The following ZNF407 variants were observed in gnomAD, a reference collection of about 807,000 sequenced individuals.
ZNF407 encodes zinc finger protein 407.
In ZNF407, 17 loss-of-function variants were observed where a neutral mutation model predicts 131.2. That is an observed-to-expected ratio of 0.13 (90% CI 0.09 to 0.19). The LOEUF (loss-of-function observed/expected upper bound fraction) is 0.19, where lower values mean the gene tolerates loss of function less well. Ranked by LOEUF, ZNF407 falls within the 10% of genes least tolerant of loss-of-function variation. ZNF407 has a pLI of 1.00. For synonymous variants in ZNF407, 1,156 were observed against 1,062.0 expected (o/e 1.09, Z -1.72); for missense variants, 2,681 against 2,830.6 (o/e 0.95, Z 1.20).
chr18:74,857,853 C>A (rs1403983367), intron 4 of ZNF407, among the ~76,000 whole-genome samples: 1 of 151,754 alleles, frequency 6.6e-6, no homozygotes, highest in Non-Finnish European at 1.5e-5. Flanking sequence ...TCATTCCTTT[C>A]CTTGGTATTG....
chr18:74,909,735 C>G (rs952491808), intron 7 of ZNF407, among the ~76,000 whole-genome samples: 2 of 151,876 alleles, frequency 1.3e-5, no homozygotes, highest in Non-Finnish European at 2.9e-5. Flanking sequence ...TTTTATAAAC[C>G]TTTATACAAA....
At chr18:75,011,820 A>G (rs533273328) in intron 8 of ZNF407, among the ~76,000 whole-genome samples, 3 of 152,184 alleles carry the variant, frequency 2.0e-5, no homozygotes, top group African/African-American at 7.2e-5. Context: ...CAAATTTGGT[A>G]TATTTGTTTG....
chr18:74,662,457 A>G (rs1985756431), intron 3 of ZNF407, among the ~76,000 whole-genome samples: 1 of 152,256 alleles, frequency 6.6e-6, no homozygotes. Flanking sequence ...CTTTAAAAAT[A>G]CAACATTAGG....
At chr18:74,803,851 C>T (rs1490804405) in intron 4 of ZNF407, 1 of 1,090,274 alleles carries the variant, frequency 9.2e-7, no homozygotes, top group African/African-American at 1.6e-5. Flanking sequence ...CTTTCTGGAG[C>T]ATGGTTTCAA....
chr18:74,852,277 T>A (rs1970800639), intron 4 of ZNF407, among the ~76,000 whole-genome samples: 1 of 152,122 alleles, frequency 6.6e-6, no homozygotes, highest in African/African-American at 2.4e-5. Flanking sequence ...ATTTTAAAAG[T>A]AATTTTTAAA....
intron 3 of ZNF407, among the ~76,000 whole-genome samples, chr18:74,649,243 A>G (rs958309693): frequency 2.0e-5 from 3 of 152,242 alleles, no homozygotes; most frequent in Admixed American, 1.3e-4. Flanking sequence ...TTGAAGGACC[A>G]ATAAAGTGTT....
At chr18:74,704,395 A>G (rs1396094670) in intron 3 of ZNF407, among the ~76,000 whole-genome samples, 3 of 152,152 alleles carry the variant, frequency 2.0e-5, no homozygotes, top group Non-Finnish European at 2.9e-5. Flanking sequence ...ATACAGGTAC[A>G]ACGGGGAAAA....
At chr18:74,992,107 G>A (rs1481966717) in intron 8 of ZNF407, among the ~76,000 whole-genome samples, 3 of 152,178 alleles carry the variant, frequency 2.0e-5, no homozygotes, top group African/African-American at 7.2e-5. Context: ...GGATGAAGAT[G>A]TATCCAGGCT....
chr18:74,770,263 G>A (rs544301736), intron 3 of ZNF407, among the ~76,000 whole-genome samples: 12 of 152,164 alleles, frequency 7.9e-5, no homozygotes, highest in African/African-American at 2.6e-4. Flanking sequence ...GCTGGGTGTG[G>A]TATGCTCACC....
chr18:75,028,727 C>T (rs748952427), intron 8 of ZNF407, among the ~76,000 whole-genome samples: 21 of 152,116 alleles, frequency 1.4e-4, no homozygotes, highest in African/African-American at 1.9e-4. Context: ...AGGAACAATG[C>T]GAGAACCCAA....
intron 7 of ZNF407, among the ~76,000 whole-genome samples, chr18:74,917,909 A>G (rs1467548241): frequency 6.6e-6 from 1 of 152,232 alleles, no homozygotes; most frequent in East Asian, 1.9e-4. Context: ...GTACAGTAGT[A>G]GCTTTTTGTT....
rs553956436 is a variant in ZNF407 at position 75,049,055 on chromosome 18, G to A, written c.5429-14095G>A. Among the ~76,000 whole-genome samples, 5 of 112,262 alleles carry A rather than the reference G, an allele frequency of 4.5e-5. No individual in the cohort carries two copies. The Admixed American group carries it at 5.8e-4, about 13-fold the overall frequency. 73.6% of individuals were successfully genotyped at this position (112,262 alleles called of 152,430 possible). A position where few individuals can be genotyped will look rare whatever the true frequency, so the allele number is the denominator to read the frequency against. ...AGTGGTGAGTGCTCATGGCCACCTC[G>A]TTGTTTTTCCAAATAACACTGGCCG... On this transcript the variant is annotated intron_variant, in intron 8 of 8. Transcript: ENST00000299687.
chr18:74,629,659 G>A (rs1426611915), intron 1 of ZNF407, among the ~76,000 whole-genome samples: 3 of 152,048 alleles, frequency 2.0e-5, no homozygotes, highest in African/African-American at 7.2e-5. Flanking sequence ...CAAAGCAATA[G>A]GCTCCATTTG....
intron 1 of ZNF407, among the ~76,000 whole-genome samples, chr18:74,602,176 G>C (rs1428478651): frequency 6.6e-6 from 1 of 152,148 alleles, no homozygotes; most frequent in East Asian, 1.9e-4. Context: ...ATAAAACCCA[G>C]AAATAGCCTT....
chr18:75,036,106 T>C (rs1230593225), intron 8 of ZNF407, among the ~76,000 whole-genome samples: 1 of 152,214 alleles, frequency 6.6e-6, no homozygotes, highest in Non-Finnish European at 1.5e-5. Context: ...ATGTAATCAT[T>C]GTAGTCATCC....
rs888427459 is a variant in ZNF407, at chr18:75,012,238, G to A, written c.5429-50912G>A. Among the ~76,000 whole-genome samples, 3 of 151,788 alleles carry A rather than the reference G, an allele frequency of 2.0e-5. 1 individual carries two copies. Among genetic ancestry groups the A allele is most frequent in the Non-Finnish European group, 2.9e-5 (2 of 67,930 alleles). ...TGAGTTAGCTGAATGAACATCACAG[G>A]GCTTGAAGCCCACCTGCTATACACA... On this transcript the variant is annotated intron_variant, in intron 8 of 8. Transcript: ENST00000299687.
chr18:75,016,988 A>G (rs1241976089), intron 8 of ZNF407, among the ~76,000 whole-genome samples: 1 of 152,114 alleles, frequency 6.6e-6, no homozygotes, highest in East Asian at 1.9e-4. Flanking sequence ...CACTTCCACC[A>G]TCTGAAAACA....
At chr18:74,599,686 C>T (rs1429050294) in intron 1 of ZNF407, among the ~76,000 whole-genome samples, 1 of 152,090 alleles carries the variant, frequency 6.6e-6, no homozygotes, top group East Asian at 1.9e-4. Flanking sequence ...GGGACATTTT[C>T]CCCAACATTC....
intron 4 of ZNF407, among the ~76,000 whole-genome samples, chr18:74,857,426 A>G (rs1049380583): frequency 3.9e-5 from 6 of 152,176 alleles, no homozygotes; most frequent in African/African-American, 7.2e-5. Flanking sequence ...GAAACAAATC[A>G]ATTTATTTTA....
Sources: allele counts gnomAD v4.1 joint callset (sites outside exome capture counted in the v4.1 genomes callset), GRCh38; gene constraint gnomAD v4.1.1; transcripts MANE v1.5; gene names NCBI Gene and HGNC (gene_info 2026-07-23, HGNC 2026-07-21).